The following SMAD5 variants were observed in gnomAD, a reference collection of about 807,000 sequenced individuals.
SMAD5 encodes SMAD family member 5.
Under a neutral mutation model 43.1 loss-of-function variants are expected in SMAD5, and 9 were observed. That is an observed-to-expected ratio of 0.21 (90% confidence interval 0.13 to 0.36). The LOEUF (loss-of-function observed/expected upper bound fraction) is 0.36. Among genes scored for constraint, SMAD5 ranks in the 10% least tolerant of loss-of-function variants. SMAD5 has a pLI of 1.00. For synonymous variants in SMAD5, 190 were observed against 192.4 expected (o/e 0.99, Z 0.10); for missense variants, 348 against 574.0 (o/e 0.61, Z 4.02).
chr5:136,136,796 A>G (rs950915646), intron 1 of SMAD5, among the ~76,000 whole-genome samples: 1 of 152,088 alleles, frequency 6.6e-6, no homozygotes, highest in Non-Finnish European at 1.5e-5. Context: ...CCCGGCTTCA[A>G]GCGATTCTCC....
At chr5:136,133,490 G>A (rs1265343407) in intron 1 of SMAD5, 1 of 152,290 alleles carries the variant, frequency 6.6e-6, no homozygotes, top group African/African-American at 2.4e-5. Flanking sequence ...ATTACACTCT[G>A]GGCAGTTGTG....
intron 4 of SMAD5, among the ~76,000 whole-genome samples, chr5:136,162,840 G>A (rs79643326): frequency 0.018 from 2,775 of 152,272 alleles, 33 homozygotes; most frequent in Middle Eastern, 0.041. Flanking sequence ...TTACTTTCCA[G>A]TTTTAAATGA....
chr5:136,151,105 A>G (rs1161315098), intron 2 of SMAD5, among the ~76,000 whole-genome samples: 1 of 152,008 alleles, frequency 6.6e-6, no homozygotes, highest in East Asian at 1.9e-4. Context: ...AGGTATATAT[A>G]TTTTTACAAA....
At chr5:136,162,203 A>G (rs981399887) in intron 4 of SMAD5, among the ~76,000 whole-genome samples, 5 of 152,136 alleles carry the variant, frequency 3.3e-5, no homozygotes, top group Non-Finnish European at 7.3e-5. Context: ...TTAGACATGC[A>G]TGCCAGTTCA....
intron 3 of SMAD5, 129 bp from the exon 4 acceptor site, chr5:136,160,727 C>A (rs1753793632): frequency 1.2e-6 from 1 of 832,958 alleles, no homozygotes; most frequent in Non-Finnish European, 1.9e-6. Flanking sequence ...TATAAAACAG[C>A]CCTTTCTAAA....
At chr5:136,146,722 G>A (rs971036825) in intron 1 of SMAD5, among the ~76,000 whole-genome samples, 6 of 151,700 alleles carry the variant, frequency 4.0e-5, no homozygotes, top group Non-Finnish European at 8.9e-5. Flanking sequence ...AAAAGACTAG[G>A]ACAAAATGCA....
Position 136,163,452 on chromosome 5 carries a change from C to CT in SMAD5, c.775+67dup, listed in dbSNP as rs1374929657. Reference sequence around the variant, plus strand: ...GTAGTTGTTTTTAACTTATTGGCTACTTTTTTAAAAACAGCTTTATTGAGG... The same window carrying CT: ...GTAGTTGTTTTTAACTTATTGGCTACTTTTTTTAAAAACAGCTTTATTGAGG... On this transcript the variant is annotated intron_variant, in intron 5 of 7. Transcript: ENST00000545279. 9.2e-5 allele frequency: 128 copies of CT among 1,390,770 alleles called. 1 individual carries two copies. Among genetic ancestry groups the CT allele is most frequent in the Non-Finnish European group, 7.8e-5 (81 of 1,038,838 alleles). The allele number at this position is 1,390,770 out of a possible 1,614,324, so 86.2% of individuals were successfully genotyped here.
chr5:136,168,396 GTTTTGTTT>G (rs1051691457), intron 5 of SMAD5, among the ~76,000 whole-genome samples: 5 of 64,138 alleles, frequency 7.8e-5, no homozygotes, highest in African/African-American at 5.7e-4. Context: ...TCATTTAGTT[GTTTTGTTT>G]TTTTGTTTTT....
rs1264266090 is a variant in SMAD5 at position 136,178,127 on chromosome 5, A to G, written c.*647A>G. 1.3e-5 allele frequency: 2 copies of G among 152,668 alleles called. No individual in the cohort carries two copies. The highest frequency in any genetic ancestry group is 4.8e-5 in the African/African-American group (2 of 41,456). 9.5% of individuals were successfully genotyped at this position (152,668 alleles called of 1,614,324 possible). A position where few individuals can be genotyped will look rare whatever the true frequency, so the allele number is the denominator to read the frequency against. On this transcript the variant is annotated 3_prime_UTR_variant, in exon 8 of 8. Coordinates refer to ENST00000545279, the MANE Select transcript of SMAD5 (RefSeq NM_005903.7). ...TCAGTGTAATGTGACTTCATGCTATATATCTTTTGTAAGACATTTCCTTTT... is the reference window on the plus strand; with the variant it reads ...TCAGTGTAATGTGACTTCATGCTATGTATCTTTTGTAAGACATTTCCTTTT...
At chr5:136,166,479 G>T (rs901267279) in intron 5 of SMAD5, among the ~76,000 whole-genome samples, 2 of 151,882 alleles carry the variant, frequency 1.3e-5, no homozygotes, top group African/African-American at 4.8e-5. Context: ...ATATTAATTT[G>T]CCTATAATTT....
intron 3 of SMAD5, among the ~76,000 whole-genome samples, chr5:136,156,725 ACTAG>A (rs1406114038): frequency 1.3e-5 from 2 of 152,226 alleles, no homozygotes; most frequent in Non-Finnish European, 2.9e-5. Flanking sequence ...CCAAAGTGTG[ACTAG>A]TAGTCAGCCA....
intron 2 of SMAD5, 144 bp downstream of exon 2, chr5:136,148,050 A>T (rs1753321557): frequency 6.6e-6 from 1 of 151,824 alleles, no homozygotes; most frequent in Non-Finnish European, 1.5e-5. Context: ...CTAAATGGTG[A>T]GTAAAAGGTC....
At chr5:136,142,966 G>T (rs183333853) in intron 1 of SMAD5, among the ~76,000 whole-genome samples, 172 of 152,116 alleles carry the variant, frequency 1.1e-3, no homozygotes, top group South Asian at 4.4e-3. Flanking sequence ...TACACTAGTG[G>T]GCACCCGGTA....
chr5:136,172,828 C>T (rs1047811794), intron 6 of SMAD5, 173 bp downstream of exon 6: 20 of 588,962 alleles, frequency 3.4e-5, no homozygotes, highest in East Asian at 2.0e-4. Context: ...GATGTTCCCT[C>T]ATTTTTTTGT....
chr5:136,163,536 A>G, intron 5 of SMAD5, 145 bp downstream of exon 5: 1 of 548,746 alleles, frequency 1.8e-6, no homozygotes, highest in African/African-American at 2.0e-5. Flanking sequence ...AGATTTTGGT[A>G]AATACACCAA....
chr5:136,176,500 A>G (rs1196995080), intron 7 of SMAD5, among the ~76,000 whole-genome samples: 1 of 149,744 alleles, frequency 6.7e-6, no homozygotes, highest in Non-Finnish European at 1.5e-5. Flanking sequence ...CTGACATGTG[A>G]CATGATCTTA....
At chr5:136,139,937 C>T (rs116095275) in intron 1 of SMAD5, among the ~76,000 whole-genome samples, 2,780 of 152,020 alleles carry the variant, frequency 0.018, 33 homozygotes, top group Middle Eastern at 0.041. Flanking sequence ...AGGCTTGAAC[C>T]GCTGAGCTCA....
chr5:136,144,770 G>A (rs1341253233), intron 1 of SMAD5, among the ~76,000 whole-genome samples: 1 of 151,842 alleles, frequency 6.6e-6, no homozygotes, highest in African/African-American at 2.4e-5. Flanking sequence ...ACTGTCAAAT[G>A]CATCTTCCCT....
chr5:136,155,545 GA>G (rs1659497778), intron 3 of SMAD5, among the ~76,000 whole-genome samples: 1 of 152,132 alleles, frequency 6.6e-6, no homozygotes, highest in Admixed American at 6.5e-5. Context: ...AGTTCCTACT[GA>G]AAACACTTTC....
Sources: gnomAD v4.1 joint callset for allele counts (sites outside exome capture counted in the v4.1 genomes callset) on GRCh38, gnomAD v4.1.1 for gene constraint, MANE v1.5 for transcripts, NCBI Gene and HGNC (gene_info 2026-07-23, HGNC 2026-07-21) for gene names.